The following PSMA4 variants were observed in gnomAD, a reference collection of about 807,000 sequenced individuals.
The protein encoded by PSMA4 is proteasome subunit alpha type-4.
In PSMA4, 8 loss-of-function variants were observed where a neutral mutation model predicts 37.2. The observed-to-expected ratio is 0.22, with a 90% CI of 0.13 to 0.39. The LOEUF (loss-of-function observed/expected upper bound fraction) is 0.39, where lower values mean the gene tolerates loss of function less well. PSMA4 is among the 10% of genes least tolerant of loss of function. PSMA4 has a pLI of 1.00. For synonymous variants in PSMA4, 93 were observed against 98.8 expected (o/e 0.94, Z 0.35); for missense variants, 169 against 305.1 (o/e 0.55, Z 3.32).
In PSMA4 at chr15:78,545,660, C is replaced by T; in HGVS notation, c.403C>T (p.Leu135=). 6.2e-7 allele frequency: 1 copy of T among 1,613,898 alleles called. No individual in the cohort carries two copies. Among genetic ancestry groups the T allele is most frequent in the South Asian group, 1.1e-5 (1 of 91,080 alleles). ...GGKRPFGVSL[L]YIGWDKHYGF... ...AAAACGTCCCTTTGGTGTTTCATTG[C>T]TGTACATTGGCTGGGATAAGCACTA... is the stretch of plus-strand genomic sequence containing the variant. Residue 135 remains leucine (L), a synonymous_variant, in exon 7 of 9, where the codon CTG becomes TTG. Transcript: ENST00000044462.
chr15:78,546,261 T>A (rs966727020), intron 7 of PSMA4, among the ~76,000 whole-genome samples: 1 of 151,780 alleles, frequency 6.6e-6, no homozygotes, highest in African/African-American at 2.4e-5. Context: ...CTGGGCAACA[T>A]AGCAGAACCC....
At chr15:78,542,683 C>T in intron 4 of PSMA4, 38 bp downstream of exon 4, 2 of 1,546,820 alleles carry the variant, frequency 1.3e-6, no homozygotes, top group East Asian at 2.3e-5. Flanking sequence ...AAAAAAATCT[C>T]ACTTTCTCAC....
rs1199473210 is a variant in PSMA4 at position 78,549,772 on chromosome 15, G to A, written c.*828G>A. 6.6e-6 allele frequency: 1 copy of A among 152,212 alleles called. No individual in the cohort carries two copies. The highest frequency in any genetic ancestry group is 2.4e-5 in the African/African-American group (1 of 41,464). 9.4% of individuals were successfully genotyped at this position (152,212 alleles called of 1,614,324 possible). A position where few individuals can be genotyped will look rare whatever the true frequency, so the allele number is the denominator to read the frequency against. Reference sequence around the variant, plus strand: ...CTAAGTAAAACTTTAAGAAGTTTTTGTTGCATATTAGAATCACCTAGGAAG... The same window carrying A: ...CTAAGTAAAACTTTAAGAAGTTTTTATTGCATATTAGAATCACCTAGGAAG... On this transcript the variant is annotated 3_prime_UTR_variant, in exon 9 of 9. Transcript: ENST00000044462.
intron 8 of PSMA4, among the ~76,000 whole-genome samples, chr15:78,546,996 C>A (rs942787248): frequency 1.3e-5 from 2 of 152,304 alleles, no homozygotes; most frequent in African/African-American, 4.8e-5. Flanking sequence ...GACCTCCTGA[C>A]CTCAGGTGAT....
At chr15:78,544,770 G>T in intron 5 of PSMA4, 99 bp from the exon 6 acceptor site, 1 of 708,198 alleles carries the variant, frequency 1.4e-6, no homozygotes, top group Non-Finnish European at 2.4e-6. Context: ...TGACTGTTAG[G>T]TTGTCCCCAT....
chr15:78,544,411 GT>G, intron 5 of PSMA4, 144 bp downstream of exon 5: 1 of 559,466 alleles, frequency 1.8e-6, no homozygotes, highest in South Asian at 2.2e-5. Flanking sequence ...CGCCTCCCGG[GT>G]TCAAGCGATT....
chr15:78,542,887 T>G (rs564534354), intron 4 of PSMA4, among the ~76,000 whole-genome samples: 1 of 152,332 alleles, frequency 6.6e-6, no homozygotes, highest in East Asian at 1.9e-4. Context: ...TCACACAGAT[T>G]TGGGTTCAAC....
chr15:78,546,796 T>C, intron 8 of PSMA4, 98 bp downstream of exon 8: 3 of 1,305,958 alleles, frequency 2.3e-6, no homozygotes, highest in Non-Finnish European at 3.1e-6. Context: ...AGATGGAGTC[T>C]CGCTCTGTTG....
In PSMA4 at chr15:78,542,485, C is replaced by T. The variant is rs767513513; in HGVS notation, c.49C>T (p.Arg17Cys). Residue 17 changes from arginine to cysteine, a missense_variant and splice_region_variant, in exon 4 of 9, where the codon CGC becomes TGC. Transcript: ENST00000044462. ...SRTTIFSPEGRLYQVEYAMEA... is the reference protein window; with the variant it reads ...SRTTIFSPEGCLYQVEYAMEA... Reference sequence around the variant, plus strand: ...TTCTCACTGCTTTTGTTTTGTAGGTCGCTTATACCAAGTTGAATATGCCAT... The same window carrying T: ...TTCTCACTGCTTTTGTTTTGTAGGTTGCTTATACCAAGTTGAATATGCCAT... 6 of 1,610,716 alleles carry T rather than the reference C, an allele frequency of 3.7e-6. No homozygotes were observed. The highest frequency in any genetic ancestry group is 5.1e-6 in the Non-Finnish European group (6 of 1,179,048).
chr15:78,545,474 G>A (rs193256970), intron 6 of PSMA4, among the ~76,000 whole-genome samples, 160 bp from the exon 7 acceptor site: 5 of 152,290 alleles, frequency 3.3e-5, no homozygotes, highest in East Asian at 3.9e-4. Context: ...AACAAAAGTC[G>A]AATTTGTAAT....
chr15:78,544,845 A>C (rs776518558), intron 5 of PSMA4, 24 bp from the exon 6 acceptor site: 1 of 1,488,246 alleles, frequency 6.7e-7, no homozygotes. Context: ...GAAAACTACT[A>C]ATGTGCCCAT....
chr15:78,545,683 C>A lies in PSMA4; in HGVS notation c.426C>A (p.His142Gln). The change falls in exon 7 of 9, where the codon CAC becomes CAA. Residue 142 changes from histidine (H) to glutamine (Q), a missense_variant. Physicochemically the swap from His to Gln is conservative, Grantham distance 24. This residue lies in a region of PSMA4 where 79 missense variants were observed against 212.4 expected (regional missense o/e 0.37). Coordinates refer to ENST00000044462, the MANE Select transcript of PSMA4 (RefSeq NM_002789.6). ...TGCTGTACATTGGCTGGGATAAGCA[C>A]TATGGCTTTCAGCTCTATCAGAGTG... ...VSLLYIGWDK[H>Q]YGFQLYQSDP... The A allele has an allele frequency of 1.2e-6, 2 of 1,613,990 alleles. No individual in the cohort carries two copies. Among genetic ancestry groups the A allele is most frequent in the Non-Finnish European group, 1.7e-6 (2 of 1,179,886 alleles).
chr15:78,552,269 C>T lies in PSMA4; in HGVS notation c.*3325C>T, dbSNP rs956037987. On this transcript the variant is annotated 3_prime_UTR_variant, in exon 9 of 9. Coordinates refer to ENST00000044462, the MANE Select transcript of PSMA4 (RefSeq NM_002789.6). ...TCATGGGTTTTCACAGGGACCCTACCAGCTCAGAAGCACGTTGATATAAAT... is the reference window on the plus strand; with the variant it reads ...TCATGGGTTTTCACAGGGACCCTACTAGCTCAGAAGCACGTTGATATAAAT... 4.6e-5 allele frequency: 7 copies of T among 152,158 alleles called. No homozygotes were observed. Among genetic ancestry groups the T allele is most frequent in the African/African-American group, 1.4e-4 (6 of 41,430 alleles). The allele number at this position is 152,158 out of a possible 1,614,324, so 9.4% of individuals were successfully genotyped here.
chr15:78,546,608 G>C lies in PSMA4; in HGVS notation c.541G>C (p.Glu181Gln). 1 of 1,601,558 alleles carries C rather than the reference G, an allele frequency of 6.2e-7. No individual in the cohort carries two copies. The change falls in exon 8 of 9, where the codon GAA becomes CAA. Residue 181 changes from glutamate (E) to glutamine (Q), a missense_variant. By Grantham distance (29) the Glu-to-Gln change is conservative. Transcript: ENST00000044462. ...AVSMLKQDYK[E>Q]GEMTLKSALA... ...GTCAATGTTGAAACAAGACTATAAA[G>C]AAGGAGAAATGACCTTGAAGTCAGC...
chr15:78,548,856 T>G lies in PSMA4; in HGVS notation c.698T>G (p.Val233Gly). 1 of 1,612,684 alleles carries G rather than the reference T, an allele frequency of 6.2e-7. No homozygotes were observed. Among genetic ancestry groups the G allele is most frequent in the Admixed American group, 1.7e-5 (1 of 59,858 alleles). The change falls in exon 9 of 9, where the codon GTG becomes GGG. Residue 233 changes from valine (V) to glycine (G), a missense_variant. Transcript: ENST00000044462. ...TVIRVLKQKE[V>G]EQLIKKHEEE... is the part of the protein sequence containing the mutation. ...ATCAGAGTTCTCAAACAAAAAGAAG[T>G]GGAGCAGTTGATCAAAAAACATGAG...
At chr15:78,545,597 G>T in intron 6 of PSMA4, 37 bp from the exon 7 acceptor site, 1 of 1,602,732 alleles carries the variant, frequency 6.2e-7, no homozygotes, top group African/African-American at 1.3e-5. Context: ...ACTAAATTTA[G>T]ATTATTGATA....
intron 1 of PSMA4, 26 bp downstream of exon 1, chr15:78,540,565 G>C (rs1449999836): frequency 6.6e-6 from 1 of 152,514 alleles, no homozygotes; most frequent in South Asian, 2.1e-4. Context: ...CTTGGGGCCC[G>C]CGGAAGCTTG....
intron 4 of PSMA4, 171 bp from the exon 5 acceptor site, chr15:78,544,019 C>T (rs1381914036): frequency 3.3e-5 from 18 of 546,006 alleles, no homozygotes; most frequent in Non-Finnish European, 5.2e-5. Context: ...TGAGTGACAT[C>T]GAGTAAACAT....
In PSMA4 at chr15:78,548,847, A is replaced by C; in HGVS notation, c.689A>C (p.Gln230Pro). Residue 230 changes from glutamine (Q) to proline (P), a missense_variant, in exon 9 of 9, where the codon CAA (glutamine) becomes CCA (proline). Gln to Pro is a moderately conservative substitution (Grantham distance 76). This residue lies in a region of PSMA4 where 90 missense variants were observed against 92.7 expected (regional missense o/e 0.97). Coordinates refer to ENST00000044462, the MANE Select transcript of PSMA4 (RefSeq NM_002789.6). ...NGKTVIRVLK[Q>P]KEVEQLIKKH... is the part of the protein sequence containing the mutation. ...AAGACAGTAATCAGAGTTCTCAAACAAAAAGAAGTGGAGCAGTTGATCAAA... is the reference window on the plus strand; with the variant it reads ...AAGACAGTAATCAGAGTTCTCAAACCAAAAGAAGTGGAGCAGTTGATCAAA... 6.2e-7 allele frequency: 1 copy of C among 1,613,304 alleles called. No homozygotes were observed. Among genetic ancestry groups the C allele is most frequent in the South Asian group, 1.1e-5 (1 of 90,758 alleles).
Sources: gnomAD v4.1 joint callset for allele counts (sites outside exome capture counted in the v4.1 genomes callset) on GRCh38, gnomAD v4.1.1 for gene constraint, gnomAD v4.1.1 regional missense constraint, MANE v1.5 for transcripts, NCBI Gene and HGNC (gene_info 2026-07-23, HGNC 2026-07-21) for gene names.